LRP1B: variants seen among roughly 807,000 people sequenced by gnomAD.
The protein encoded by LRP1B is low-density lipoprotein receptor-related protein 1B.
In LRP1B, 217 loss-of-function variants were observed where a neutral mutation model predicts 556.6. The observed-to-expected ratio is 0.39, with a 90% confidence interval of 0.35 to 0.44. The LOEUF (loss-of-function observed/expected upper bound fraction) is 0.44, where lower values mean the gene tolerates loss of function less well. Among genes scored for constraint, LRP1B ranks in the 20% least tolerant of loss-of-function variants. The pLI is 1.00. For synonymous variants in LRP1B, 2,047 were observed against 1,865.8 expected (o/e 1.10, Z -2.50); for missense variants, 5,053 against 5,620.8 (o/e 0.90, Z 3.23).
intron 14 of LRP1B, among the ~76,000 whole-genome samples, chr2:141,011,130 T>C (rs767300425): frequency 1.9e-4 from 28 of 150,858 alleles, no homozygotes; most frequent in Non-Finnish European, 3.4e-4. Flanking sequence ...GTTTATTTTA[T>C]TCCATTAGGC....
chr2:141,646,380 C>A (rs1238656624), intron 2 of LRP1B, among the ~76,000 whole-genome samples: 1 of 152,134 alleles, frequency 6.6e-6, no homozygotes, highest in Non-Finnish European at 1.5e-5. Context: ...CATCTCCTCC[C>A]ATGGGTAATG....
intron 4 of LRP1B, among the ~76,000 whole-genome samples, chr2:141,252,102 C>T (rs1684283284): frequency 1.3e-5 from 2 of 151,834 alleles, no homozygotes; most frequent in Non-Finnish European, 2.9e-5. Context: ...AGAGCTGTGC[C>T]ACACACTTAA....
At chr2:141,309,785 A>G (rs1349444409) in intron 3 of LRP1B, among the ~76,000 whole-genome samples, 2 of 152,242 alleles carry the variant, frequency 1.3e-5, no homozygotes, top group Non-Finnish European at 2.9e-5. Context: ...AGGCACAGGT[A>G]TAACTATGTA....
chr2:140,282,767 C>T (rs1261373998), intron 84 of LRP1B, among the ~76,000 whole-genome samples: 1 of 151,802 alleles, frequency 6.6e-6, no homozygotes. Flanking sequence ...ACTGCAGTCT[C>T]TCATTCCAAT....
chr2:140,874,688 G>T (rs919094077), intron 25 of LRP1B, among the ~76,000 whole-genome samples: 2 of 151,660 alleles, frequency 1.3e-5, no homozygotes, highest in African/African-American at 4.8e-5. Flanking sequence ...TAAAGTACTT[G>T]TGATATTAAA....
intron 35 of LRP1B, among the ~76,000 whole-genome samples, chr2:140,753,217 C>T (rs1266721980): frequency 2.0e-5 from 3 of 152,100 alleles, no homozygotes; most frequent in Non-Finnish European, 2.9e-5. Flanking sequence ...AAATACTTAA[C>T]AATTGATGTT....
At chr2:140,694,558 G>A (rs535545591) in intron 41 of LRP1B, among the ~76,000 whole-genome samples, 45 of 152,068 alleles carry the variant, frequency 3.0e-4, no homozygotes, top group African/African-American at 9.9e-4. Flanking sequence ...TATTCTTAAC[G>A]CTTACAGCAA....
At chr2:142,028,285 G>A (rs540754620) in intron 1 of LRP1B, among the ~76,000 whole-genome samples, 3 of 152,070 alleles carry the variant, frequency 2.0e-5, no homozygotes, top group South Asian at 4.1e-4. Flanking sequence ...TAATTAGGTC[G>A]TGTAACAGTT....
chr2:140,276,095 T>C (rs1196024356), intron 84 of LRP1B, among the ~76,000 whole-genome samples: 1 of 151,998 alleles, frequency 6.6e-6, no homozygotes, highest in East Asian at 1.9e-4. Flanking sequence ...CTTTTACCTA[T>C]TTAATTGTGA....
intron 31 of LRP1B, among the ~76,000 whole-genome samples, chr2:140,821,534 T>A (rs563397404): frequency 4.5e-4 from 69 of 152,318 alleles, no homozygotes; most frequent in Admixed American, 2.4e-3. Context: ...AAGACTTTTT[T>A]AAAAAATTTA....
At chr2:141,326,185 A>G (rs1057182326) in intron 3 of LRP1B, among the ~76,000 whole-genome samples, 1 of 152,180 alleles carries the variant, frequency 6.6e-6, no homozygotes, top group African/African-American at 2.4e-5. Context: ...AAACCAAGTA[A>G]GACATGTGCT....
intron 3 of LRP1B, among the ~76,000 whole-genome samples, chr2:141,281,642 A>G (rs1685512375): frequency 6.6e-6 from 1 of 152,058 alleles, no homozygotes; most frequent in Non-Finnish European, 1.5e-5. Context: ...AGTTATCTAG[A>G]ACCCAGTCAG....
At chr2:141,717,864 C>A (rs1692665081) in intron 2 of LRP1B, among the ~76,000 whole-genome samples, 1 of 152,322 alleles carries the variant, frequency 6.6e-6, no homozygotes, top group Non-Finnish European at 1.5e-5. Context: ...TCTTATCTTG[C>A]TCCTTCTATG....
intron 17 of LRP1B, 41 bp from the exon 18 acceptor site, chr2:140,982,317 C>T (rs2105344103): frequency 8.3e-7 from 1 of 1,204,930 alleles, no homozygotes; most frequent in East Asian, 2.3e-5. Flanking sequence ...AATTTAGAGG[C>T]ATTTTGAACA....
intron 3 of LRP1B, among the ~76,000 whole-genome samples, chr2:141,260,223 T>C (rs576169109): frequency 4.3e-4 from 65 of 152,214 alleles, no homozygotes; most frequent in Admixed American, 1.6e-3. Flanking sequence ...TCTCTTTGTA[T>C]CTATAAAATA....
At chr2:141,884,062 G>A (rs1457262428) in intron 1 of LRP1B, among the ~76,000 whole-genome samples, 1 of 152,080 alleles carries the variant, frequency 6.6e-6, no homozygotes, top group Non-Finnish European at 1.5e-5. Flanking sequence ...AACCCTATCT[G>A]AGTCTTTATC....
chr2:140,404,133 G>C, intron 66 of LRP1B, among the ~76,000 whole-genome samples: 1 of 145,814 alleles, frequency 6.9e-6, no homozygotes, highest in South Asian at 2.2e-4. Context: ...TCTAAATCTT[G>C]AAACAAAAGC....
chr2:141,872,784 C>T (rs941351786), intron 1 of LRP1B, among the ~76,000 whole-genome samples: 1 of 151,864 alleles, frequency 6.6e-6, no homozygotes, highest in African/African-American at 2.4e-5. Context: ...TGGTATCATA[C>T]TTCTCAACAG....
intron 2 of LRP1B, among the ~76,000 whole-genome samples, chr2:141,733,026 G>C (rs1254767743): frequency 6.6e-6 from 1 of 152,062 alleles, no homozygotes; most frequent in Non-Finnish European, 1.5e-5. Context: ...GCAAAGCTGT[G>C]CCTAATGTGA....
Sources: allele counts gnomAD v4.1 joint callset (sites outside exome capture counted in the v4.1 genomes callset), GRCh38; gene constraint gnomAD v4.1.1; transcripts MANE v1.5; gene names NCBI Gene and HGNC (gene_info 2026-07-23, HGNC 2026-07-21).